Variants in KLHL29 observed in about 807,000 individuals in gnomAD.
KLHL29 encodes the protein kelch-like protein 29.
KLHL29 carries 21 observed loss-of-function variants against 80.4 expected under a neutral mutation model. That is an observed-to-expected ratio of 0.26 (90% CI 0.19 to 0.38). KLHL29 has a LOEUF of 0.38. Among genes scored for constraint, KLHL29 ranks in the 10% least tolerant of loss-of-function variants. The pLI, the probability that KLHL29 is intolerant of heterozygous loss-of-function variation, is 1.00. For missense variants in KLHL29, 867 were observed against 1,223.9 expected (o/e 0.71, Z 4.35); for synonymous variants, 511 against 526.8 (o/e 0.97, Z 0.41).
Position 23,696,619 on chromosome 2 carries a change from A to T in KLHL29, c.2105+106A>T. 1 of 884,486 alleles carries T rather than the reference A, an allele frequency of 1.1e-6. No homozygotes were observed. The highest frequency in any genetic ancestry group is 1.8e-5 in the South Asian group (1 of 55,838). The allele number at this position is 884,486 out of a possible 1,614,324, so 54.8% of individuals were successfully genotyped here. A position where few individuals can be genotyped will look rare whatever the true frequency, so the allele number is the denominator to read the frequency against. On this transcript the variant is annotated intron_variant, in intron 11 of 13. Coordinates refer to ENST00000486442, the MANE Select transcript of KLHL29 (RefSeq NM_052920.2). This position sits in a 1 kb window ranked among gnomAD's most constrained non-coding sequence, Gnocchi z 5.5. ...CACCCACTCAGTGGCGATGGAGCAG[A>T]GCCTGGACCATTCATATGGGCAGTC...
At chr2:23,658,452 C>T (rs527695956) in intron 5 of KLHL29, among the ~76,000 whole-genome samples, 1 of 152,192 alleles carries the variant, frequency 6.6e-6, no homozygotes, top group Non-Finnish European at 1.5e-5. Context: ...GGGCTCCCCA[C>T]AAGGCTCACA....
chr2:23,657,814 C>T lies in KLHL29; in HGVS notation c.940+14964C>T, dbSNP rs56211458. ...TCGCCTAAGAAGGCTGGTTGGTCACCGGGATGTATTTGCTGAGCCTTCCGG... is the reference window on the plus strand; with the variant it reads ...TCGCCTAAGAAGGCTGGTTGGTCACTGGGATGTATTTGCTGAGCCTTCCGG... On this transcript the variant is annotated intron_variant, in intron 5 of 13. Transcript: ENST00000486442. 9.6e-3 allele frequency among the ~76,000 whole-genome samples: 1,461 copies of T among 152,246 alleles called. 14 individuals are homozygous for T. Among genetic ancestry groups the T allele is most frequent in the Non-Finnish European group, 0.014 (975 of 68,004 alleles).
intron 3 of KLHL29, among the ~76,000 whole-genome samples, chr2:23,611,230 C>G (rs946253702): frequency 1.3e-5 from 2 of 152,160 alleles, no homozygotes; most frequent in African/African-American, 4.8e-5. Context: ...GGAGGTAAGC[C>G]TTATGCTTAC....
At chr2:23,554,689 A>G (rs1667239063) in intron 2 of KLHL29, among the ~76,000 whole-genome samples, 1 of 152,220 alleles carries the variant, frequency 6.6e-6, no homozygotes, top group African/African-American at 2.4e-5. Context: ...GTTCCTGAGC[A>G]GGCACTCTCC....
At chr2:23,631,513 G>A (rs754639077) in intron 3 of KLHL29, among the ~76,000 whole-genome samples, 7 of 152,260 alleles carry the variant, frequency 4.6e-5, no homozygotes, top group Middle Eastern at 6.8e-3. Flanking sequence ...ATCAGGCACC[G>A]GAGCGCATTA....
rs145491519 is a variant in KLHL29 at position 23,681,228 on chromosome 2, C to T, written c.941-3171C>T. 3.1e-3 allele frequency among the ~76,000 whole-genome samples: 473 copies of T among 152,370 alleles called. 4 individuals are homozygous for T. Among genetic ancestry groups the T allele is most frequent in the African/African-American group, 0.011 (437 of 41,588 alleles). ...GCACTTGGGGCCTGCTGGGAATCCCCTGGTGAGCACTTTCATAAATTGAAA... is the reference window on the plus strand; with the variant it reads ...GCACTTGGGGCCTGCTGGGAATCCCTTGGTGAGCACTTTCATAAATTGAAA... On this transcript the variant is annotated intron_variant, in intron 5 of 13. Coordinates refer to ENST00000486442, the MANE Select transcript of KLHL29 (RefSeq NM_052920.2). This position sits in a 1 kb window ranked among gnomAD's most constrained non-coding sequence, Gnocchi z 4.2.
At chr2:23,613,203 A>G (rs746841459) in intron 3 of KLHL29, among the ~76,000 whole-genome samples, 1 of 152,258 alleles carries the variant, frequency 6.6e-6, no homozygotes, top group Non-Finnish European at 1.5e-5. Flanking sequence ...TAGCAAAATG[A>G]TCAATTTAAA....
At chr2:23,467,640 C>A (rs1664387078) in intron 1 of KLHL29, among the ~76,000 whole-genome samples, 1 of 152,196 alleles carries the variant, frequency 6.6e-6, no homozygotes, top group South Asian at 2.1e-4. Flanking sequence ...TTTTTGGCCA[C>A]TGGCTCTGTA....
At chr2:23,588,389 C>T (rs981254426) in intron 3 of KLHL29, among the ~76,000 whole-genome samples, 1 of 152,196 alleles carries the variant, frequency 6.6e-6, no homozygotes, top group African/African-American at 2.4e-5. Context: ...AGGGCTGCTC[C>T]CCACCCACCT....
chr2:23,573,053 G>A (rs1448783765), intron 3 of KLHL29, among the ~76,000 whole-genome samples: 1 of 30 alleles, frequency 0.033, no homozygotes, highest in African/African-American at 0.17. Context: ...TGGTGAGCTA[G>A]CATGAAGCCT....
intron 1 of KLHL29, among the ~76,000 whole-genome samples, chr2:23,452,903 C>CCG (rs1431059481): frequency 1.2e-4 from 17 of 140,696 alleles, no homozygotes; most frequent in African/African-American, 4.7e-4. Flanking sequence ...AGACTGGTCA[C>CCG]CCCCCCGCCC....
At chr2:23,488,311 G>A (rs574728384) in intron 2 of KLHL29, among the ~76,000 whole-genome samples, 1 of 152,336 alleles carries the variant, frequency 6.6e-6, no homozygotes, top group Non-Finnish European at 1.5e-5. Context: ...GCAGAGAGGG[G>A]GGCCCAGCTA....
At position 23,494,587 on chromosome 2, in the gene KLHL29, T is replaced by C. The variant is rs1246513472; in HGVS notation, c.-46+18920T>C. Reference sequence around the variant, plus strand: ...CAGGCACGTTTCCAAGATATAGGACTGCAGGGACCTTCATGCAAACTGCCG... The same window carrying C: ...CAGGCACGTTTCCAAGATATAGGACCGCAGGGACCTTCATGCAAACTGCCG... On this transcript the variant is annotated intron_variant, in intron 2 of 13. Coordinates refer to ENST00000486442, the MANE Select transcript of KLHL29 (RefSeq NM_052920.2). Among the ~76,000 whole-genome samples, 4 of 152,336 alleles carry C rather than the reference T, an allele frequency of 2.6e-5. No homozygotes were observed. In the East Asian group the frequency reaches 7.7e-4, roughly 29 times the overall value.
intron 2 of KLHL29, among the ~76,000 whole-genome samples, chr2:23,531,673 G>T (rs1156249455): frequency 6.6e-6 from 1 of 151,894 alleles, no homozygotes; most frequent in Non-Finnish European, 1.5e-5. Context: ...GCAAGTCCTG[G>T]TACCCAAGAC....
chr2:23,514,653 G>A (rs993425717), intron 2 of KLHL29, among the ~76,000 whole-genome samples: 1 of 152,210 alleles, frequency 6.6e-6, no homozygotes, highest in African/African-American at 2.4e-5. Context: ...TTGTCAGTCA[G>A]TAAATGGATG....
chr2:23,574,512 A>G (rs1335656022), intron 3 of KLHL29, among the ~76,000 whole-genome samples: 5 of 152,118 alleles, frequency 3.3e-5, no homozygotes, highest in African/African-American at 1.2e-4. Flanking sequence ...GTGGAGACAA[A>G]AGGTAGGTTA....
At chr2:23,625,394 A>G (rs1669282983) in intron 3 of KLHL29, among the ~76,000 whole-genome samples, 1 of 152,246 alleles carries the variant, frequency 6.6e-6, no homozygotes, top group Admixed American at 6.5e-5. Context: ...AACCATGACA[A>G]TGGAAAATTG....
chr2:23,523,178 C>T (rs1172119854), intron 2 of KLHL29, among the ~76,000 whole-genome samples: 2 of 152,196 alleles, frequency 1.3e-5, no homozygotes, highest in Non-Finnish European at 2.9e-5. Context: ...ACTCAGGAAG[C>T]TTTGCCACCT....
In KLHL29 at chr2:23,471,879, A is replaced by G. The variant is rs200537494; in HGVS notation, c.-153-3681A>G. 1.9e-4 allele frequency among the ~76,000 whole-genome samples: 29 copies of G among 152,328 alleles called. 1 individual carries two copies. In the East Asian group the frequency reaches 5.2e-3, roughly 27 times the overall value. ...TGATCTTTGGAAACGTTAAGATTTT[A>G]CAGTGTTAACTTGGGAACAAAATTA... On this transcript the variant is annotated intron_variant, in intron 1 of 13. Transcript: ENST00000486442.
Sources: gnomAD v4.1 joint callset for allele counts (sites outside exome capture counted in the v4.1 genomes callset) on GRCh38, gnomAD v4.1.1 for gene constraint, Gnocchi (gnomAD v3.1) non-coding constraint, MANE v1.5 for transcripts, NCBI Gene and HGNC (gene_info 2026-07-23, HGNC 2026-07-21) for gene names.